SYT16: variants seen among roughly 807,000 people sequenced by gnomAD.
The protein encoded by SYT16 is synaptotagmin-16.
SYT16 carries 42 observed loss-of-function variants against 61.4 expected under a neutral mutation model. The ratio of observed to expected loss-of-function variants is 0.68; its 90% CI spans 0.53 to 0.89. The LOEUF (loss-of-function observed/expected upper bound fraction) is 0.89, where lower values mean the gene tolerates loss of function less well. Among genes scored for constraint, SYT16 ranks in the 40% least tolerant of loss-of-function variants. The pLI is 0.00. For missense variants in SYT16, 804 were observed against 807.3 expected (o/e 1.00, Z 0.05); for synonymous variants, 314 against 302.3 (o/e 1.04, Z -0.40).
At chr14:62,090,250 C>T (rs1377230859) in intron 7 of SYT16, among the ~76,000 whole-genome samples, 2 of 152,204 alleles carry the variant, frequency 1.3e-5, no homozygotes, top group Non-Finnish European at 2.9e-5. Flanking sequence ...GATGTTCCCT[C>T]CAGTTAAAAA....
At chr14:62,075,900 C>A (rs1322858170) in intron 5 of SYT16, among the ~76,000 whole-genome samples, 1 of 152,192 alleles carries the variant, frequency 6.6e-6, no homozygotes, top group Non-Finnish European at 1.5e-5. Flanking sequence ...TGATGCAGAT[C>A]TTGCACTGTG....
intron 1 of SYT16, among the ~76,000 whole-genome samples, chr14:61,819,426 A>T (rs890128661): frequency 2.0e-5 from 3 of 152,202 alleles, no homozygotes; most frequent in Admixed American, 6.5e-5. Context: ...TCCATTAAGG[A>T]TTATACATAT....
intron 1 of SYT16, among the ~76,000 whole-genome samples, chr14:61,912,051 A>G (rs1566674218): frequency 6.6e-6 from 1 of 152,224 alleles, no homozygotes; most frequent in Non-Finnish European, 1.5e-5. Context: ...AAATTTATTA[A>G]CATCATGTAT....
At chr14:62,087,398 T>C (rs918256082) in intron 7 of SYT16, among the ~76,000 whole-genome samples, 4 of 152,192 alleles carry the variant, frequency 2.6e-5, no homozygotes, top group Non-Finnish European at 5.9e-5. Flanking sequence ...GGGGAACTTG[T>C]ACCACTGAGG....
chr14:61,864,846 G>T (rs958090450), intron 1 of SYT16: 2 of 1,070,712 alleles, frequency 1.9e-6, no homozygotes, highest in East Asian at 2.4e-5. Flanking sequence ...CCTTGCTATC[G>T]CTGCATATTC....
Position 61,861,312 on chromosome 14 carries a change from A to T in SYT16, c.-325+48502A>T, listed in dbSNP as rs74057547. ...CAAAATTAAGTGGCAAAATTTACTAATTTTTTTTGGTAAAAATATAAACAT... is the reference window on the plus strand; with the variant it reads ...CAAAATTAAGTGGCAAAATTTACTATTTTTTTTTGGTAAAAATATAAACAT... On this transcript the variant is annotated intron_variant, in intron 1 of 7. Coordinates refer to ENST00000683842, the MANE Select transcript of SYT16 (RefSeq NM_001367656.1). 5.8e-3 allele frequency among the ~76,000 whole-genome samples: 880 copies of T among 152,196 alleles called. 5 individuals are homozygous for T. Among genetic ancestry groups the T allele is most frequent in the African/African-American group, 0.02 (828 of 41,504 alleles).
intron 2 of SYT16, among the ~76,000 whole-genome samples, chr14:61,978,141 ACC>A (rs1231216778): frequency 1.3e-5 from 2 of 152,022 alleles, no homozygotes; most frequent in African/African-American, 4.8e-5. Flanking sequence ...GCAATGAAAG[ACC>A]CTTTTTTCAA....
chr14:61,832,489 C>A (rs1388376033), intron 1 of SYT16: 2 of 360,114 alleles, frequency 5.6e-6, no homozygotes, highest in Non-Finnish European at 5.5e-6. Context: ...CAGGCTGTGG[C>A]GCAGAGGCGT....
intron 2 of SYT16, among the ~76,000 whole-genome samples, chr14:61,995,001 TA>T (rs1210270842): frequency 6.6e-6 from 1 of 152,202 alleles, no homozygotes; most frequent in Non-Finnish European, 1.5e-5. Context: ...TAGTCATTTG[TA>T]ACGTTCATCT....
In SYT16 at chr14:62,018,298, C is replaced by CTTTTT. The variant is rs776473522; in HGVS notation, c.523+21780_523+21784dup. The stretch of plus-strand genomic sequence containing the variant: ...GGGTCTTTCTCTTCTTCTTCTTCTT[C>CTTTTT]TTTTTTTTTTTTTTTTTTTTTTTTT... On this transcript the variant is annotated intron_variant, in intron 3 of 7. Transcript: ENST00000683842. Among the ~76,000 whole-genome samples, 315 of 51,642 alleles carry CTTTTT rather than the reference C, an allele frequency of 6.1e-3. 48 individuals are homozygous for CTTTTT. Among genetic ancestry groups the CTTTTT allele is most frequent in the African/African-American group, 8.8e-3 (106 of 11,984 alleles). 33.9% of individuals were successfully genotyped at this position (51,642 alleles called of 152,430 possible). A position where few individuals can be genotyped will look rare whatever the true frequency, so the allele number is the denominator to read the frequency against.
intron 1 of SYT16, among the ~76,000 whole-genome samples, chr14:61,845,361 T>C (rs939334024): frequency 6.6e-6 from 1 of 152,188 alleles, no homozygotes; most frequent in African/African-American, 2.4e-5. Context: ...AGACTTTTTA[T>C]TATGGCTTCA....
rs138802042 is a variant in SYT16, at chr14:61,952,160, A to C, written c.-324-17972A>C. ...TTTTTTTTTTTTGGCAAATGACATA[A>C]ATTGTACAAGGCTCATGTATTGCTT... is the stretch of plus-strand genomic sequence containing the variant. On this transcript the variant is annotated intron_variant, in intron 1 of 7. Coordinates refer to ENST00000683842, the MANE Select transcript of SYT16 (RefSeq NM_001367656.1). Among the ~76,000 whole-genome samples the C allele has an allele frequency of 3.6e-3, 553 of 152,184 alleles. 1 individual carries two copies. The highest frequency in any genetic ancestry group is 4.4e-3 in the Non-Finnish European group (302 of 67,990).
At position 61,996,442 on chromosome 14, in the gene SYT16, G is replaced by C; in HGVS notation, c.423G>C (p.Ala141=). 1.9e-6 allele frequency: 3 copies of C among 1,613,392 alleles called. No homozygotes were observed. Among genetic ancestry groups the C allele is most frequent in the Non-Finnish European group, 2.5e-6 (3 of 1,179,546 alleles). The change falls in exon 3 of 8, where the codon GCG becomes GCC. Residue 141 remains alanine, a synonymous_variant. Transcript: ENST00000683842. ...TACCACATGTGCTTTCTTCTATTGC[G>C]GAGGAAGAGCATCACCTTGAAAAGC... ...RKLPHVLSSI[A]EEEHHLEKQR...
chr14:61,837,450 G>T (rs1020410650), intron 1 of SYT16, among the ~76,000 whole-genome samples: 2 of 151,528 alleles, frequency 1.3e-5, no homozygotes, highest in Non-Finnish European at 2.9e-5. Context: ...TGTTGGCCAG[G>T]CTGGTCTCGA....
At chr14:61,850,240 T>C (rs1442347388) in intron 1 of SYT16, among the ~76,000 whole-genome samples, 2 of 152,086 alleles carry the variant, frequency 1.3e-5, no homozygotes, top group Non-Finnish European at 2.9e-5. Context: ...GTTCAAGTGA[T>C]TCTCCTGCCT....
intron 3 of SYT16, among the ~76,000 whole-genome samples, chr14:62,018,855 C>A (rs1373826057): frequency 6.6e-6 from 1 of 152,262 alleles, no homozygotes; most frequent in Admixed American, 6.5e-5. Context: ...TACTATTGGA[C>A]CTGTTTTACT....
upstream of SYT16, chr14:61,812,459 G>T (rs72716733): frequency 0.16 from 23,897 of 151,226 alleles, 2,132 homozygotes; most frequent in African/African-American, 0.25. Context: ...TCCAAGTTGC[G>T]GCGAGCATCC....
At chr14:61,922,225 A>G (rs766885756) in intron 1 of SYT16, among the ~76,000 whole-genome samples, 6 of 152,208 alleles carry the variant, frequency 3.9e-5, no homozygotes, top group Non-Finnish European at 5.9e-5. Flanking sequence ...ATAAAGTCAC[A>G]TGCATGTGTC....
At chr14:62,091,665 A>G (rs1159276221) in intron 7 of SYT16, among the ~76,000 whole-genome samples, 2 of 152,198 alleles carry the variant, frequency 1.3e-5, no homozygotes, top group Non-Finnish European at 2.9e-5. Context: ...AAAAGCATGA[A>G]GGTTGGATCC....
Sources: gnomAD v4.1 joint callset for allele counts (sites outside exome capture counted in the v4.1 genomes callset) on GRCh38, gnomAD v4.1.1 for gene constraint, MANE v1.5 for transcripts, NCBI Gene and HGNC (gene_info 2026-07-23, HGNC 2026-07-21) for gene names.